Variants in BPIFB4 observed in about 807,000 individuals in gnomAD.
BPIFB4 encodes the protein BPI fold containing family B member 4.
In BPIFB4, 62 loss-of-function variants were observed where a neutral mutation model predicts 69.2. That is an observed-to-expected ratio of 0.90 (90% CI 0.73 to 1.11). The LOEUF is 1.11. Ranked by LOEUF, BPIFB4 falls within the 50% of genes least tolerant of loss-of-function variation. The pLI, the probability that BPIFB4 is intolerant of heterozygous loss-of-function variation, is 0.00. For synonymous variants in BPIFB4, 330 were observed against 332.7 expected (o/e 0.99, Z 0.09); for missense variants, 789 against 792.0 (o/e 1.00, Z 0.04).
rs375521026 is a variant in BPIFB4, at chr20:33,090,113, C to T, written c.1051+555C>T. Among the ~76,000 whole-genome samples, 6 of 152,242 alleles carry T rather than the reference C, an allele frequency of 3.9e-5. 1 individual carries two copies. The highest frequency in any genetic ancestry group is 3.9e-4 in the East Asian group (2 of 5,192). On this transcript the variant is annotated intron_variant, in intron 9 of 17. Transcript: ENST00000375483. ...TGCACTGCACCATTCCAGGGACCTCCTTTCACATGGATTACAGTGCAATGG... is the reference window on the plus strand; with the variant it reads ...TGCACTGCACCATTCCAGGGACCTCTTTTCACATGGATTACAGTGCAATGG...
intron 6 of BPIFB4, 96 bp from the exon 7 acceptor site, chr20:33,085,925 C>G (rs976546234): frequency 1.3e-5 from 19 of 1,426,534 alleles, no homozygotes; most frequent in Admixed American, 1.7e-5. Context: ...AGGAGCGTAG[C>G]AGATGGCAGG....
chr20:33,108,390 A>T (rs1173022195), intron 17 of BPIFB4, among the ~76,000 whole-genome samples: 6 of 113,074 alleles, frequency 5.3e-5, no homozygotes, highest in Non-Finnish European at 1.1e-4. Flanking sequence ...TATGGAAAAG[A>T]TTAAAAAAAA....
intron 17 of BPIFB4, 81 bp downstream of exon 17, chr20:33,107,901 A>T: frequency 7.9e-7 from 1 of 1,269,056 alleles, no homozygotes; most frequent in Non-Finnish European, 1.1e-6. Context: ...CAGGCCAGGA[A>T]CTTGGAAGAG....
chr20:33,107,634 T>A (rs1982106714), intron 16 of BPIFB4, 110 bp from the exon 17 acceptor site: 1 of 811,928 alleles, frequency 1.2e-6, no homozygotes, highest in African/African-American at 1.7e-5. Flanking sequence ...AGACTCTGTC[T>A]CAAAAAAAGA....
intron 7 of BPIFB4, among the ~76,000 whole-genome samples, chr20:33,087,764 G>T (rs1247534148): frequency 2.0e-5 from 1 of 50,342 alleles, no homozygotes; most frequent in Non-Finnish European, 3.9e-5. Flanking sequence ...AAGCATGCAT[G>T]CATACACACA....
intron 6 of BPIFB4, among the ~76,000 whole-genome samples, chr20:33,085,679 T>C (rs367725619): frequency 6.6e-6 from 1 of 152,192 alleles, no homozygotes; most frequent in African/African-American, 2.4e-5. Context: ...GGGCCTTCCA[T>C]GCACTAGGTG....
intron 13 of BPIFB4, among the ~76,000 whole-genome samples, chr20:33,097,993 A>T (rs1981803562): frequency 6.6e-6 from 1 of 152,142 alleles, no homozygotes; most frequent in South Asian, 2.1e-4. Flanking sequence ...CTATCTCTAG[A>T]CTAGAATCTT....
chr20:33,100,613 C>A, intron 14 of BPIFB4, 120 bp downstream of exon 14: 2 of 863,694 alleles, frequency 2.3e-6, no homozygotes, highest in Non-Finnish European at 3.6e-6. Flanking sequence ...CAAGGGGCTG[C>A]AAAGGTGACG....
chr20:33,097,502 G>A (rs1981787237), intron 12 of BPIFB4, 115 bp from the exon 13 acceptor site: 3 of 1,164,128 alleles, frequency 2.6e-6, no homozygotes, highest in Non-Finnish European at 3.7e-6. Context: ...CCTGTGGTTT[G>A]TTGGACTCAA....
At chr20:33,085,772 G>A (rs1330894441) in intron 6 of BPIFB4, among the ~76,000 whole-genome samples, 1 of 152,192 alleles carries the variant, frequency 6.6e-6, no homozygotes, top group South Asian at 2.1e-4. Context: ...CTAGGCAATT[G>A]GGAGTCACCT....
chr20:33,087,460 C>T (rs780262023), intron 7 of BPIFB4, among the ~76,000 whole-genome samples: 3 of 152,166 alleles, frequency 2.0e-5, no homozygotes, highest in Admixed American at 6.5e-5. Context: ...TGCATCCAAA[C>T]ATCGAGAGCT....
rs755870596 is a variant in BPIFB4 at position 33,080,582 on chromosome 20, G to C, written c.-16+6G>C. ...GGGAGCAGAAGTTCAAAAAGGTAAA[G>C]TCCCTTTCCTAAGCATTAAGACCCA... On this transcript the variant is annotated splice_donor_region_variant and intron_variant, in intron 2 of 17. Coordinates refer to ENST00000375483, the MANE Select transcript of BPIFB4 (RefSeq NM_182519.3). 1.3e-5 allele frequency: 2 copies of C among 152,216 alleles called. No homozygotes were observed. Among genetic ancestry groups the C allele is most frequent in the Non-Finnish European group, 2.9e-5 (2 of 68,042 alleles). 9.4% of individuals were successfully genotyped at this position (152,216 alleles called of 1,614,324 possible). A position where few individuals can be genotyped will look rare whatever the true frequency, so the allele number is the denominator to read the frequency against.
intron 13 of BPIFB4, among the ~76,000 whole-genome samples, chr20:33,099,396 T>TCC (rs1981845092): frequency 6.6e-6 from 1 of 152,198 alleles, no homozygotes; most frequent in African/African-American, 2.4e-5. Flanking sequence ...AATCAGCCTC[T>TCC]ACTGTGTGGA....
At chr20:33,084,634 C>A (rs1047497534) in intron 5 of BPIFB4, among the ~76,000 whole-genome samples, 10 of 152,200 alleles carry the variant, frequency 6.6e-5, no homozygotes, top group African/African-American at 2.4e-4. Context: ...GGAATGGCAT[C>A]TTGACATGCA....
chr20:33,084,128 A>G (rs1981345870), intron 5 of BPIFB4, among the ~76,000 whole-genome samples: 4 of 152,146 alleles, frequency 2.6e-5, no homozygotes, highest in Admixed American at 2.6e-4. Flanking sequence ...TCATCTCTCG[A>G]GTCTCAGTTT....
intron 5 of BPIFB4, 65 bp downstream of exon 5, chr20:33,083,939 C>T: frequency 6.6e-7 from 1 of 1,509,210 alleles, no homozygotes; most frequent in Non-Finnish European, 8.8e-7. Context: ...TGATCACTCC[C>T]TGAAGCTGGG....
In BPIFB4 at chr20:33,083,621, G is replaced by A. The variant is rs1981320684; in HGVS notation, c.424G>A (p.Ala142Thr). Residue 142 changes from alanine to threonine, a missense_variant, in exon 5 of 18, where the codon GCA becomes ACA. Ala to Thr is a moderately conservative substitution (Grantham distance 58, BLOSUM62 0). Coordinates refer to ENST00000375483, the MANE Select transcript of BPIFB4 (RefSeq NM_182519.3). ...GHRGLGRYRA[A>T]PVGRLHRREL... ...CAGGGGCCTCGGGCGATACAGGGCA[G>A]CACCTGTGGGCAGGCTTCACCGGCG... 6.2e-7 allele frequency: 1 copy of A among 1,614,082 alleles called. No individual in the cohort carries two copies. Among genetic ancestry groups the A allele is most frequent in the Non-Finnish European group, 8.5e-7 (1 of 1,179,980 alleles).
In BPIFB4 at chr20:33,107,730, T is replaced by G. The variant is rs894714852; in HGVS notation, c.1745-14T>G. On this transcript the variant is annotated splice_polypyrimidine_tract_variant and intron_variant, in intron 16 of 17. Coordinates refer to ENST00000375483, the MANE Select transcript of BPIFB4 (RefSeq NM_182519.3). ...TGGACCACTGACCATGTCTGACTGTTTTTTATTTTACAGCTGTGCTGGGTT... is the reference window on the plus strand; with the variant it reads ...TGGACCACTGACCATGTCTGACTGTGTTTTATTTTACAGCTGTGCTGGGTT... 41 of 1,610,980 alleles carry G rather than the reference T, an allele frequency of 2.5e-5. No homozygotes were observed. The highest frequency in any genetic ancestry group is 3.5e-5 in the Non-Finnish European group (41 of 1,177,288).
At chr20:33,090,661 T>C (rs1226521914) in intron 9 of BPIFB4, 47 bp from the exon 10 acceptor site, 1 of 1,608,998 alleles carries the variant, frequency 6.2e-7, no homozygotes, top group Admixed American at 1.7e-5. Flanking sequence ...AGGGAAGGCA[T>C]CTGGATGGTG....
Sources: allele counts gnomAD v4.1 joint callset (sites outside exome capture counted in the v4.1 genomes callset), GRCh38; gene constraint gnomAD v4.1.1; transcripts MANE v1.5; gene names NCBI Gene and HGNC (gene_info 2026-07-23, HGNC 2026-07-21).